ANO3: variants seen among roughly 807,000 people sequenced by gnomAD.
ANO3 encodes the protein anoctamin 3.
Under a neutral mutation model 144.8 loss-of-function variants are expected in ANO3, and 99 were observed. The ratio of observed to expected loss-of-function variants is 0.68; its 90% CI spans 0.58 to 0.81. The LOEUF (loss-of-function observed/expected upper bound fraction) is 0.81, where lower values mean the gene tolerates loss of function less well. Among genes scored for constraint, ANO3 ranks in the 30% least tolerant of loss-of-function variants. The pLI, the probability that ANO3 is intolerant of heterozygous loss-of-function variation, is 0.00. For missense variants in ANO3, 905 were observed against 1,202.2 expected (o/e 0.75, Z 3.66); for synonymous variants, 414 against 392.6 (o/e 1.05, Z -0.64).
intron 1 of ANO3, among the ~76,000 whole-genome samples, chr11:26,397,315 C>T (rs555277359): frequency 5.9e-5 from 9 of 152,100 alleles, no homozygotes; most frequent in Admixed American, 4.6e-4. Context: ...AAGATCTAAC[C>T]TCATAGCCTA....
chr11:26,197,603 G>A (rs961392475), intron 1 of ANO3, among the ~76,000 whole-genome samples: 2 of 151,822 alleles, frequency 1.3e-5, no homozygotes, highest in South Asian at 2.1e-4. Context: ...CTCCCGCCTC[G>A]GCCTCCCAAA....
chr11:26,513,915 T>C (rs1861762550), intron 5 of ANO3, among the ~76,000 whole-genome samples: 2 of 152,082 alleles, frequency 1.3e-5, no homozygotes, highest in South Asian at 4.1e-4. Flanking sequence ...GAGGACTATA[T>C]AGGTTTTCTG....
rs79844570 is a variant in ANO3 at position 26,509,241 on chromosome 11, C to T, written c.591+979C>T. ...ATATTATTACAACTTAGAGATTTAC[C>T]CAGCTGTTCCGCTACTGAGAAAAAG... On this transcript the variant is annotated intron_variant, in intron 5 of 26. Transcript: ENST00000256737. Among the ~76,000 whole-genome samples, 1,108 of 151,898 alleles carry T rather than the reference C, an allele frequency of 7.3e-3. 11 individuals are homozygous for T. The highest frequency in any genetic ancestry group is 0.024 in the African/African-American group (1,011 of 41,426).
chr11:26,589,888 T>C (rs560128992), intron 14 of ANO3, among the ~76,000 whole-genome samples: 1 of 152,336 alleles, frequency 6.6e-6, no homozygotes, highest in South Asian at 2.1e-4. Flanking sequence ...TCTGTATTTC[T>C]CTATTCACCA....
rs111978917 is a variant in ANO3 at position 26,557,970 on chromosome 11, T to C, written c.1387-1749T>C. On this transcript the variant is annotated intron_variant, in intron 13 of 26. Coordinates refer to ENST00000256737, the MANE Select transcript of ANO3 (RefSeq NM_031418.4). ...TCGTACTCTTCCTTAGAGCAAGTTC[T>C]GAAGTCTTCTCTAATGCTCCTTCTA... Among the ~76,000 whole-genome samples, 1,292 of 152,342 alleles carry C rather than the reference T, an allele frequency of 8.5e-3. 14 individuals are homozygous for C. The highest frequency in any genetic ancestry group is 0.014 in the Non-Finnish European group (944 of 68,032).
At chr11:26,510,148 A>AG (rs1861606171) in intron 5 of ANO3, among the ~76,000 whole-genome samples, 1 of 147,164 alleles carries the variant, frequency 6.8e-6, no homozygotes, top group African/African-American at 2.5e-5. Context: ...AAAAAAAAAA[A>AG]AAAAAGAGTA....
chr11:26,326,018 TCTG>T (rs1854873784), intron 1 of ANO3, among the ~76,000 whole-genome samples: 1 of 152,108 alleles, frequency 6.6e-6, no homozygotes, highest in South Asian at 2.1e-4. Context: ...TCCACATATC[TCTG>T]CTAAGTCAAG....
chr11:26,460,690 T>C (rs1247222752), intron 3 of ANO3, among the ~76,000 whole-genome samples: 1 of 129,010 alleles, frequency 7.8e-6, no homozygotes, highest in Non-Finnish European at 1.7e-5. Flanking sequence ...AGATGAGTTA[T>C]AGGAATTAAA....
chr11:26,452,712 T>C (rs1276084379), intron 3 of ANO3, among the ~76,000 whole-genome samples: 3 of 151,954 alleles, frequency 2.0e-5, no homozygotes, highest in Non-Finnish European at 4.4e-5. Flanking sequence ...AAAATTCAGA[T>C]TCAGGAAATA....
chr11:26,557,237 G>A (rs1318641615), intron 13 of ANO3, among the ~76,000 whole-genome samples: 2 of 151,984 alleles, frequency 1.3e-5, no homozygotes, highest in South Asian at 4.2e-4. Flanking sequence ...CGAGGCGGGC[G>A]GATCACGAGC....
chr11:26,559,643 C>T (rs755154989), intron 13 of ANO3, 76 bp from the exon 14 acceptor site: 41 of 985,688 alleles, frequency 4.2e-5, no homozygotes, highest in Non-Finnish European at 6.0e-5. Context: ...AATCATAGTA[C>T]CTGAGTGCAA....
chr11:26,363,405 G>C (rs951351205), intron 1 of ANO3, among the ~76,000 whole-genome samples: 2 of 152,098 alleles, frequency 1.3e-5, no homozygotes, highest in Admixed American at 6.6e-5. Context: ...GTGTTGGCAG[G>C]TGTGGTTTCT....
chr11:26,365,241 C>T (rs1203494005), intron 1 of ANO3, among the ~76,000 whole-genome samples: 1 of 152,238 alleles, frequency 6.6e-6, no homozygotes, highest in African/African-American at 2.4e-5. Context: ...ACATGGGCAG[C>T]TCCACTCCTG....
intron 3 of ANO3, among the ~76,000 whole-genome samples, chr11:26,446,789 C>G (rs915694129): frequency 2.0e-5 from 3 of 152,138 alleles, no homozygotes; most frequent in African/African-American, 7.2e-5. Flanking sequence ...TAGCTCCTAG[C>G]ACATCATGGG....
In ANO3 at chr11:26,623,867, A is replaced by G. The variant is rs542667581; in HGVS notation, c.1837-595A>G. ...AGTGGCACGATCTCTGCTCACTGGAAGTTCTGCCTCCCGGTTTCACGTCAT... is the reference window on the plus strand; with the variant it reads ...AGTGGCACGATCTCTGCTCACTGGAGGTTCTGCCTCCCGGTTTCACGTCAT... On this transcript the variant is annotated intron_variant, in intron 17 of 26. Coordinates refer to ENST00000256737, the MANE Select transcript of ANO3 (RefSeq NM_031418.4). Among the ~76,000 whole-genome samples the G allele has an allele frequency of 8.2e-4, 125 of 152,080 alleles. 1 individual carries two copies. Among genetic ancestry groups the G allele is most frequent in the Middle Eastern group, 3.4e-3 (1 of 294 alleles).
At chr11:26,374,548 A>T (rs947781027) in intron 1 of ANO3, among the ~76,000 whole-genome samples, 2 of 152,176 alleles carry the variant, frequency 1.3e-5, no homozygotes, top group Non-Finnish European at 2.9e-5. Context: ...AGTAATAATC[A>T]TTTGCCATTT....
intron 17 of ANO3, among the ~76,000 whole-genome samples, chr11:26,617,465 G>A (rs1189214721): frequency 6.6e-6 from 1 of 152,196 alleles, no homozygotes; most frequent in African/African-American, 2.4e-5. Flanking sequence ...TGGAATTATA[G>A]AAGAATCTTT....
intron 4 of ANO3, among the ~76,000 whole-genome samples, chr11:26,485,268 T>C (rs1414641382): frequency 6.6e-6 from 1 of 152,094 alleles, no homozygotes; most frequent in Non-Finnish European, 1.5e-5. Context: ...CAATTTCCAG[T>C]GTCGGAGGAC....
intron 6 of ANO3, among the ~76,000 whole-genome samples, chr11:26,522,860 G>A (rs1362584170): frequency 6.6e-6 from 1 of 151,022 alleles, no homozygotes; most frequent in Non-Finnish European, 1.5e-5. Flanking sequence ...AAAGACAGAG[G>A]GAAATCTCAT....
Sources: allele counts gnomAD v4.1 joint callset (sites outside exome capture counted in the v4.1 genomes callset), GRCh38; gene constraint gnomAD v4.1.1; transcripts MANE v1.5; gene names NCBI Gene and HGNC (gene_info 2026-07-23, HGNC 2026-07-21).